Variants in NRXN1 observed in about 807,000 individuals in gnomAD.
NRXN1 encodes the protein neurexin-1.
A neutral mutation model predicts 150.9 loss-of-function variants in NRXN1; 39 were observed. That is an observed-to-expected ratio of 0.26 (90% CI 0.20 to 0.34). The LOEUF (loss-of-function observed/expected upper bound fraction) is 0.34, where lower values mean the gene tolerates loss of function less well. Among genes scored for constraint, NRXN1 ranks in the 10% least tolerant of loss-of-function variants. The pLI is 1.00. For synonymous variants in NRXN1, 924 were observed against 757.0 expected, an observed-to-expected ratio of 1.22 and a Z score of -3.62; for missense variants, 1,815 against 1,949.9, an observed-to-expected ratio of 0.93 and a Z score of 1.30.
chr2:50,726,264 G>T (rs1006048025), intron 5 of NRXN1, among the ~76,000 whole-genome samples: 1 of 152,166 alleles, frequency 6.6e-6, no homozygotes, highest in African/African-American at 2.4e-5. Flanking sequence ...CCATTACGTG[G>T]TTTAATCCTC....
chr2:50,380,009 A>G (rs1254922108), intron 17 of NRXN1, among the ~76,000 whole-genome samples: 2 of 152,168 alleles, frequency 1.3e-5, no homozygotes, highest in African/African-American at 2.4e-5. Context: ...GGAAATAGAA[A>G]TGGCTAGGAT....
intron 21 of NRXN1, among the ~76,000 whole-genome samples, chr2:50,037,560 T>C (rs896355965): frequency 6.6e-5 from 10 of 152,272 alleles, no homozygotes; most frequent in Non-Finnish European, 1.2e-4. Context: ...TCCTGAGATT[T>C]CATTAAAGAT....
chr2:50,979,930 A>T (rs1305658801), intron 2 of NRXN1, among the ~76,000 whole-genome samples: 2 of 152,140 alleles, frequency 1.3e-5, no homozygotes, highest in Non-Finnish European at 2.9e-5. Flanking sequence ...TTAGAAGCCA[A>T]CTATTTGGAG....
At chr2:50,465,884 T>C (rs1163928925) in intron 16 of NRXN1, among the ~76,000 whole-genome samples, 1 of 151,892 alleles carries the variant, frequency 6.6e-6, no homozygotes, top group Non-Finnish European at 1.5e-5. Flanking sequence ...ATTTTGATTT[T>C]AGAAAATGAA....
At chr2:50,016,268 C>A (rs1055448659) in intron 21 of NRXN1, among the ~76,000 whole-genome samples, 3 of 152,060 alleles carry the variant, frequency 2.0e-5, no homozygotes, top group African/African-American at 7.2e-5. Flanking sequence ...ACATTACTCA[C>A]AGAAGGCAAG....
chr2:50,194,244 C>T (rs937539969), intron 18 of NRXN1, among the ~76,000 whole-genome samples: 1 of 152,096 alleles, frequency 6.6e-6, no homozygotes, highest in African/African-American at 2.4e-5. Flanking sequence ...TTCAATCTTA[C>T]CCGTGCCTAT....
intron 5 of NRXN1, among the ~76,000 whole-genome samples, chr2:50,795,185 C>T (rs1247513065): frequency 6.6e-6 from 1 of 152,020 alleles, no homozygotes; most frequent in Non-Finnish European, 1.5e-5. Flanking sequence ...AGTTTTTTAA[C>T]TTTATGTAGA....
chr2:50,230,118 G>A (rs902803362), intron 18 of NRXN1, among the ~76,000 whole-genome samples: 6 of 151,968 alleles, frequency 3.9e-5, no homozygotes, highest in Non-Finnish European at 8.8e-5. Flanking sequence ...AAGAGATTCC[G>A]GAGACCTAAC....
intron 21 of NRXN1, among the ~76,000 whole-genome samples, chr2:49,946,257 T>C (rs2104406912): frequency 6.6e-6 from 1 of 152,304 alleles, no homozygotes; most frequent in South Asian, 2.1e-4. Flanking sequence ...TGTAAATTTG[T>C]TTAAGTTCCT....
At chr2:50,046,897 C>T (rs934790427) in intron 21 of NRXN1, among the ~76,000 whole-genome samples, 3 of 152,152 alleles carry the variant, frequency 2.0e-5, no homozygotes, top group African/African-American at 7.2e-5. Flanking sequence ...TAAATAGATA[C>T]TATTAGAAGG....
intron 12 of NRXN1, among the ~76,000 whole-genome samples, chr2:50,512,213 T>C (rs990334897): frequency 6.6e-6 from 1 of 152,214 alleles, no homozygotes; most frequent in African/African-American, 2.4e-5. Flanking sequence ...TTTATTTTTA[T>C]TATTACTGTT....
intron 17 of NRXN1, among the ~76,000 whole-genome samples, chr2:50,319,111 T>C (rs527533381): frequency 6.6e-6 from 1 of 152,006 alleles, no homozygotes; most frequent in African/African-American, 2.4e-5. Flanking sequence ...AAAACTGGAG[T>C]TTAAATGGGG....
chr2:50,731,454 A>G (rs192225847), intron 5 of NRXN1, among the ~76,000 whole-genome samples: 54 of 152,316 alleles, frequency 3.5e-4, no homozygotes, highest in African/African-American at 1.3e-3. Flanking sequence ...TTTAAATCAG[A>G]GTCAGAAAAA....
chr2:50,144,550 A>C (rs17039988), intron 18 of NRXN1, among the ~76,000 whole-genome samples: 3,619 of 151,970 alleles, frequency 0.024, 142 homozygotes, highest in African/African-American at 0.083. Context: ...AGAGGGGGAA[A>C]CTGGGCATAT....
intron 17 of NRXN1, among the ~76,000 whole-genome samples, chr2:50,376,158 T>C (rs1996670): frequency 0.25 from 37,820 of 151,486 alleles, 5,038 homozygotes; most frequent in East Asian, 0.45. Flanking sequence ...AGAAAACACA[T>C]ACACAAATTG....
intron 2 of NRXN1, among the ~76,000 whole-genome samples, chr2:51,015,004 C>G (rs964467418): frequency 6.6e-6 from 1 of 151,922 alleles, no homozygotes; most frequent in African/African-American, 2.4e-5. Flanking sequence ...CGTATTTATT[C>G]TTGTCTTTTC....
At chr2:50,745,249 G>A (rs1699871478) in intron 5 of NRXN1, among the ~76,000 whole-genome samples, 1 of 151,700 alleles carries the variant, frequency 6.6e-6, no homozygotes, top group Admixed American at 6.6e-5. Context: ...CACAATACTT[G>A]GTCCATAGTA....
chr2:50,737,406 G>C (rs1284405228), intron 5 of NRXN1, among the ~76,000 whole-genome samples: 2 of 152,122 alleles, frequency 1.3e-5, no homozygotes, highest in African/African-American at 2.4e-5. Context: ...TATTACTCCA[G>C]ATACTCTATG....
intron 17 of NRXN1, among the ~76,000 whole-genome samples, chr2:50,442,552 T>C (rs1278795412): frequency 6.6e-5 from 10 of 152,074 alleles, no homozygotes; most frequent in Admixed American, 6.6e-4. Context: ...AGGACTTCAA[T>C]TTAGAACACA....
Sources: gnomAD v4.1 joint callset for allele counts (sites outside exome capture counted in the v4.1 genomes callset) on GRCh38, gnomAD v4.1.1 for gene constraint, MANE v1.5 for transcripts, NCBI Gene and HGNC (gene_info 2026-07-23, HGNC 2026-07-21) for gene names.